MARCHF8: variants seen among roughly 807,000 people sequenced by gnomAD.
MARCHF8 encodes E3 ubiquitin-protein ligase MARCHF8.
A neutral mutation model predicts 51.6 loss-of-function variants in MARCHF8; 40 were observed. The ratio of observed to expected loss-of-function variants is 0.77; its 90% confidence interval spans 0.60 to 1.01. The LOEUF (loss-of-function observed/expected upper bound fraction) is 1.01, where lower values mean the gene tolerates loss of function less well. Among genes scored for constraint, MARCHF8 ranks in the 50% least tolerant of loss-of-function variants. The pLI is 0.00. For synonymous variants in MARCHF8, 263 were observed against 280.3 expected (o/e 0.94, Z 0.62); for missense variants, 685 against 708.6 (o/e 0.97, Z 0.38).
chr10:45,461,411 C>A lies in MARCHF8; in HGVS notation c.1089G>T (p.Arg363Ser). 6.5e-7 allele frequency: 1 copy of A among 1,549,284 alleles called. No individual in the cohort carries two copies. The highest frequency in any genetic ancestry group is 8.7e-7 in the Non-Finnish European group (1 of 1,149,550). Residue 363 changes from arginine (R) to serine (S), a missense_variant and splice_region_variant, in exon 6 of 8, where the codon AGG becomes AGT. Transcript: ENST00000453424. ...CATCATCTCCTTCACAGTGGCAGAT[C>A]CTATGGTGGAAGGAAAACCTGTCAT... ...SPVSTSGDVCRICHCEGDDES... is the reference protein window; with the variant it reads ...SPVSTSGDVCSICHCEGDDES...
chr10:45,536,051 C>T (rs1239368504), upstream of MARCHF8, among the ~76,000 whole-genome samples: 1 of 152,124 alleles, frequency 6.6e-6, no homozygotes, highest in Non-Finnish European at 1.5e-5. Context: ...AGAAATTTGA[C>T]AAGCTGATCT....
At chr10:45,540,882 C>G (rs917096296) in intron 1 of MARCHF8, among the ~76,000 whole-genome samples, 1 of 152,192 alleles carries the variant, frequency 6.6e-6, no homozygotes, top group African/African-American at 2.4e-5. Flanking sequence ...CCATCTCACA[C>G]CAGTTACAAT....
chr10:45,580,003 CAAAAAA>C (rs34446338), intron 1 of MARCHF8, among the ~76,000 whole-genome samples: 1 of 36,436 alleles, frequency 2.7e-5, no homozygotes, highest in South Asian at 1.3e-3. Context: ...ACTCCGTCTC[CAAAAAA>C]AAAAAAAAAA....
At chr10:45,460,886 T>A (rs1217868575) in intron 6 of MARCHF8, among the ~76,000 whole-genome samples, 1 of 152,232 alleles carries the variant, frequency 6.6e-6, no homozygotes, top group Non-Finnish European at 1.5e-5. Flanking sequence ...CAGACAGTCC[T>A]AATCAGAGAA....
In MARCHF8 at chr10:45,485,850, C is replaced by T. The variant is rs79689907; in HGVS notation, c.153+3517G>A. On this transcript the variant is annotated intron_variant, in intron 3 of 7. Coordinates refer to ENST00000453424, the MANE Select transcript of MARCHF8 (RefSeq NM_001282866.2). ...GACAACGGGGATTTCAGGTAGCATA[C>T]AGTATGTCCACATTGTGGCCTCCTT... Among the ~76,000 whole-genome samples the T allele has an allele frequency of 3.8e-3, 575 of 152,274 alleles. 12 individuals carry two copies. The East Asian group carries it at 0.053, about 14-fold the overall frequency.
chr10:45,543,025 A>G (rs141181636), intron 1 of MARCHF8, among the ~76,000 whole-genome samples: 237 of 152,364 alleles, frequency 1.6e-3, no homozygotes, highest in African/African-American at 5.7e-3. Context: ...TTCACTTTCT[A>G]TACACATTTC....
At chr10:45,554,163 C>T (rs1304852253) in intron 1 of MARCHF8, among the ~76,000 whole-genome samples, 2 of 152,178 alleles carry the variant, frequency 1.3e-5, no homozygotes, top group African/African-American at 4.8e-5. Flanking sequence ...TGGGAAAGTG[C>T]TTTTAATTCT....
intron 1 of MARCHF8, among the ~76,000 whole-genome samples, chr10:45,534,926 G>C (rs34195613): frequency 0.062 from 9,495 of 152,054 alleles, 335 homozygotes; most frequent in Non-Finnish European, 0.067. Flanking sequence ...TAGAATCAAT[G>C]AACAACAAAA....
intron 1 of MARCHF8, among the ~76,000 whole-genome samples, chr10:45,593,113 G>C (rs2044699842): frequency 6.7e-6 from 1 of 148,812 alleles, no homozygotes; most frequent in Admixed American, 6.6e-5. Context: ...AGTTGGTTTT[G>C]AAAAGAGAAA....
rs75637108 is a variant in MARCHF8, at chr10:45,583,320, C to T, written c.-79+10915G>A. On this transcript the variant is annotated intron_variant, in intron 1 of 6. Transcript: ENST00000319836. The stretch of plus-strand genomic sequence containing the variant: ...ATAAAAACGGGACAACCAATTGCCA[C>T]TATCCAATTTAAATCTCCTTTGACC... Among the ~76,000 whole-genome samples, 279 of 152,286 alleles carry T rather than the reference C, an allele frequency of 1.8e-3. 6 individuals carry two copies. In the East Asian group the frequency reaches 0.027, roughly 15 times the overall value.
intron 1 of MARCHF8, among the ~76,000 whole-genome samples, chr10:45,543,141 T>G (rs1317895176): frequency 6.6e-6 from 1 of 152,246 alleles, no homozygotes; most frequent in Non-Finnish European, 1.5e-5. Flanking sequence ...ATACTTTTAC[T>G]CTCTTCCTAG....
At chr10:45,532,607 G>C (rs1185119296) in intron 2 of MARCHF8, among the ~76,000 whole-genome samples, 1 of 152,166 alleles carries the variant, frequency 6.6e-6, no homozygotes, top group African/African-American at 2.4e-5. Context: ...TTATAAGTCA[G>C]GAAGTAAGAC....
chr10:45,590,067 T>C (rs1028007326), intron 1 of MARCHF8, among the ~76,000 whole-genome samples: 2 of 152,198 alleles, frequency 1.3e-5, no homozygotes, highest in African/African-American at 2.4e-5. Context: ...CCAACACTTA[T>C]TATTACCTGT....
upstream of MARCHF8, among the ~76,000 whole-genome samples, chr10:45,537,344 C>A (rs976851048): frequency 2.0e-5 from 3 of 152,112 alleles, no homozygotes; most frequent in African/African-American, 7.2e-5. Context: ...ACAATATGGA[C>A]GAACCTTTAA....
chr10:45,553,898 A>G (rs569426786), intron 1 of MARCHF8, among the ~76,000 whole-genome samples: 93 of 152,282 alleles, frequency 6.1e-4, no homozygotes, highest in Middle Eastern at 3.4e-3. Flanking sequence ...AATAGAGGGA[A>G]CCACAATCAG....
At chr10:45,519,524 C>T (rs916706667) in intron 2 of MARCHF8, among the ~76,000 whole-genome samples, 1 of 152,226 alleles carries the variant, frequency 6.6e-6, no homozygotes, top group East Asian at 1.9e-4. Flanking sequence ...CTCTATTACA[C>T]CTACTCAATT....
At chr10:45,594,068 T>C (rs2044709767) in intron 1 of MARCHF8, among the ~76,000 whole-genome samples, 1 of 152,236 alleles carries the variant, frequency 6.6e-6, no homozygotes, top group African/African-American at 2.4e-5. Context: ...AAAAAGGTTT[T>C]GTTGCATTAA....
At chr10:45,569,110 A>G (rs1432141576) in intron 1 of MARCHF8, among the ~76,000 whole-genome samples, 2 of 152,000 alleles carry the variant, frequency 1.3e-5, no homozygotes, top group Non-Finnish European at 2.9e-5. Context: ...CCACATCATA[A>G]TGTTTTAAGA....
At chr10:45,562,269 A>G (rs1444681027) in intron 1 of MARCHF8, among the ~76,000 whole-genome samples, 1 of 152,206 alleles carries the variant, frequency 6.6e-6, no homozygotes, top group Non-Finnish European at 1.5e-5. Context: ...AAAACAGATA[A>G]AAGACTTAAA....
Sources: gnomAD v4.1 joint callset for allele counts (sites outside exome capture counted in the v4.1 genomes callset) on GRCh38, gnomAD v4.1.1 for gene constraint, MANE v1.5 for transcripts, NCBI Gene and HGNC (gene_info 2026-07-23, HGNC 2026-07-21) for gene names.